Variants in RNF170 observed in about 807,000 individuals in gnomAD.
RNF170 encodes ring finger protein 170.
A neutral mutation model predicts 32.7 loss-of-function variants in RNF170; 12 were observed. The observed-to-expected ratio is 0.37, with a 90% confidence interval of 0.24 to 0.60. The LOEUF (loss-of-function observed/expected upper bound fraction) is 0.60, where lower values mean the gene tolerates loss of function less well. Among genes scored for constraint, RNF170 ranks in the 20% least tolerant of loss-of-function variants. The pLI is 0.72. For synonymous variants in RNF170, 91 were observed against 103.6 expected, an observed-to-expected ratio of 0.88 and a Z score of 0.74; for missense variants, 212 against 311.2, an observed-to-expected ratio of 0.68 and a Z score of 2.40.
intron 5 of RNF170, among the ~76,000 whole-genome samples, chr8:42,863,573 CTGG>C (rs1239579865): frequency 6.6e-6 from 1 of 152,214 alleles, no homozygotes; most frequent in Non-Finnish European, 1.5e-5. Flanking sequence ...TCCCAAGTAG[CTGG>C]GACTACAGGT....
At chr8:42,872,593 C>T (rs957743902) in intron 3 of RNF170, among the ~76,000 whole-genome samples, 14 of 152,072 alleles carry the variant, frequency 9.2e-5, no homozygotes, top group African/African-American at 3.4e-4. Flanking sequence ...CAGGTGTGCG[C>T]CACCATGCCC....
At chr8:42,896,447 C>G (rs1452928653) in intron 1 of RNF170, 37 bp downstream of exon 1, 1 of 453,536 alleles carries the variant, frequency 2.2e-6, no homozygotes, top group Non-Finnish European at 4.4e-6. Context: ...CCGCGGGCCC[C>G]GATAGGGTGG....
chr8:42,861,990 G>A (rs987078726), intron 5 of RNF170, 135 bp from the exon 6 acceptor site: 2 of 903,642 alleles, frequency 2.2e-6, no homozygotes, highest in Non-Finnish European at 3.2e-6. Flanking sequence ...GGCAACCTGG[G>A]GGAGGGGAGT....
At chr8:42,850,590 A>G, downstream of RNF170, 1 of 658,032 alleles carries the variant, frequency 1.5e-6, no homozygotes, top group South Asian at 1.9e-5. Flanking sequence ...GGTGGACAAA[A>G]CTAACATTGT....
intron 2 of RNF170, among the ~76,000 whole-genome samples, chr8:42,886,703 C>A (rs1051007943): frequency 6.6e-6 from 1 of 151,994 alleles, no homozygotes; most frequent in African/African-American, 2.4e-5. Context: ...CTGGGATTAC[C>A]GGCGTGAGCC....
At position 42,896,479 on chromosome 8, in the gene RNF170, C is replaced by A. The variant is rs1157324079; in HGVS notation, c.-8+5G>T. On this transcript the variant is annotated splice_donor_5th_base_variant and intron_variant, in intron 1 of 6. Transcript: ENST00000527424. ...GTGGGCGTGGCCGCCGCGCGCCGGA[C>A]GTACCTCTCCACCGCGAAGGAACTA... is the stretch of plus-strand genomic sequence containing the variant. The A allele has an allele frequency of 2.2e-6, 1 of 453,906 alleles. No individual in the cohort carries two copies. Among genetic ancestry groups the A allele is most frequent in the Non-Finnish European group, 4.4e-6 (1 of 226,706 alleles). The allele number at this position is 453,906 out of a possible 1,614,324, so 28.1% of individuals were successfully genotyped here. A position where few individuals can be genotyped will look rare whatever the true frequency, so the allele number is the denominator to read the frequency against.
Position 42,855,950 on chromosome 8 carries a change from A to C in RNF170, c.*209T>G. The C allele has an allele frequency of 7.3e-7, 1 of 1,364,976 alleles. No individual in the cohort carries two copies. The highest frequency in any genetic ancestry group is 1.3e-5 in the South Asian group (1 of 78,878). 84.6% of individuals were successfully genotyped at this position (1,364,976 alleles called of 1,614,324 possible). The stretch of plus-strand genomic sequence containing the variant: ...CAAGATACAACTGTAGATCATTATA[A>C]TTCTAAACTTAATATTAGAACTTCA... On this transcript the variant is annotated 3_prime_UTR_variant, in exon 7 of 7. Coordinates refer to ENST00000527424, the MANE Select transcript of RNF170 (RefSeq NM_030954.4).
At chr8:42,886,207 G>C (rs1586549774) in intron 2 of RNF170, among the ~76,000 whole-genome samples, 1 of 151,768 alleles carries the variant, frequency 6.6e-6, no homozygotes, top group East Asian at 1.9e-4. Flanking sequence ...CTGGGCAACA[G>C]AGTGAGACTC....
chr8:42,881,860 G>A (rs771731442), intron 2 of RNF170, among the ~76,000 whole-genome samples: 6 of 152,170 alleles, frequency 3.9e-5, no homozygotes, highest in Non-Finnish European at 7.3e-5. Context: ...ACTTGAGCCT[G>A]GGAGATTGAG....
At chr8:42,893,776 T>C (rs1806510451) in intron 1 of RNF170, among the ~76,000 whole-genome samples, 1 of 152,182 alleles carries the variant, frequency 6.6e-6, no homozygotes, top group Non-Finnish European at 1.5e-5. Flanking sequence ...CTGCTCCACA[T>C]AGCATCTCAA....
At chr8:42,892,667 T>C (rs1191783507) in intron 1 of RNF170, among the ~76,000 whole-genome samples, 1 of 151,366 alleles carries the variant, frequency 6.6e-6, no homozygotes, top group East Asian at 1.9e-4. Flanking sequence ...GGAGGCTCTG[T>C]TGCAGCGTTT....
intron 1 of RNF170, among the ~76,000 whole-genome samples, chr8:42,895,263 C>T (rs972169206): frequency 5.1e-4 from 77 of 152,088 alleles, no homozygotes; most frequent in African/African-American, 1.8e-3. Flanking sequence ...TGCAGTGAAC[C>T]AAGATTGCGC....
chr8:42,894,261 C>T (rs1019957632), intron 1 of RNF170, among the ~76,000 whole-genome samples: 3 of 152,180 alleles, frequency 2.0e-5, no homozygotes, highest in African/African-American at 7.2e-5. Flanking sequence ...GACTTTAGGT[C>T]CATTGTGTCA....
intron 6 of RNF170, chr8:42,861,317 CAT>C (rs1586487134): frequency 4.4e-5 from 7 of 160,086 alleles, no homozygotes; most frequent in Admixed American, 1.9e-4. Context: ...TGACCCAACA[CAT>C]ATAATGAGAT....
At chr8:42,866,584 G>C (rs78099279) in intron 4 of RNF170, among the ~76,000 whole-genome samples, 1 of 111,296 alleles carries the variant, frequency 9.0e-6, no homozygotes, top group Non-Finnish European at 1.9e-5. Flanking sequence ...CTCCGTCTCA[G>C]AAAAAAAAAA....
chr8:42,858,941 G>C (rs2128924419), intron 6 of RNF170, among the ~76,000 whole-genome samples: 1 of 152,320 alleles, frequency 6.6e-6, no homozygotes, highest in East Asian at 1.9e-4. Context: ...CCACCACTTT[G>C]GGAGGCCGAG....
intron 4 of RNF170, among the ~76,000 whole-genome samples, chr8:42,865,985 A>C (rs77162184): frequency 6.6e-6 from 1 of 151,918 alleles, no homozygotes. Context: ...ACTCTGTCTC[A>C]AAAAAAACCT....
At chr8:42,892,340 A>G (rs1245217803) in intron 1 of RNF170, among the ~76,000 whole-genome samples, 19 of 151,990 alleles carry the variant, frequency 1.3e-4, no homozygotes, top group Non-Finnish European at 2.9e-5. Flanking sequence ...TAAATGTTTT[A>G]TTTTTTGTAG....
At chr8:42,892,852 T>C (rs1166717565) in intron 1 of RNF170, among the ~76,000 whole-genome samples, 1 of 152,046 alleles carries the variant, frequency 6.6e-6, no homozygotes, top group Non-Finnish European at 1.5e-5. Context: ...CCAGACGTGG[T>C]GGCACACGCC....
Sources: gnomAD v4.1 joint callset for allele counts (sites outside exome capture counted in the v4.1 genomes callset) on GRCh38, gnomAD v4.1.1 for gene constraint, MANE v1.5 for transcripts, NCBI Gene and HGNC (gene_info 2026-07-23, HGNC 2026-07-21) for gene names.